Variants in NUBP1 observed in about 807,000 individuals in gnomAD.
NUBP1 encodes the protein NUBP iron-sulfur cluster assembly factor 1, cytosolic, also known as cytosolic Fe-S cluster assembly factor NUBP1.
Under a neutral mutation model 41.8 loss-of-function variants are expected in NUBP1, and 46 were observed. The ratio of observed to expected loss-of-function variants is 1.10; its 90% CI spans 0.87 to 1.41. NUBP1 has a LOEUF of 1.41. Among genes scored for constraint, NUBP1 ranks in the 40% most tolerant of loss-of-function variants. The pLI is 0.00. For synonymous variants in NUBP1, 189 were observed against 154.6 expected, an observed-to-expected ratio of 1.22 and a Z score of -1.65; for missense variants, 494 against 414.0, an observed-to-expected ratio of 1.19 and a Z score of -1.68.
chr16:10,758,122 C>T (rs1442515927), intron 7 of NUBP1, 95 bp downstream of exon 7: 7 of 1,419,028 alleles, frequency 4.9e-6, no homozygotes, highest in African/African-American at 2.8e-5. Flanking sequence ...CTCACCAAGG[C>T]TCTTCCCAGT....
rs1360691386 is a variant in NUBP1 at position 10,759,002 on chromosome 16, C to T, written c.606+975C>T. On this transcript the variant is annotated intron_variant, in intron 7 of 10. Coordinates refer to ENST00000283027, the MANE Select transcript of NUBP1 (RefSeq NM_002484.4). This position sits in a 1 kb window ranked among gnomAD's most constrained non-coding sequence, Gnocchi z 4.7. ...GCCTGAGAAACTGAGGGCTCTTCTC[C>T]ATCTCCACAGTTACGCCTGACTTCT... Among the ~76,000 whole-genome samples, 3 of 152,182 alleles carry T rather than the reference C, an allele frequency of 2.0e-5. No homozygotes were observed. The highest frequency in any genetic ancestry group is 2.1e-4 in the South Asian group (1 of 4,828).
intron 4 of NUBP1, 59 bp downstream of exon 4, chr16:10,752,737 G>T (rs1567256190): frequency 1.4e-6 from 2 of 1,393,208 alleles, no homozygotes; most frequent in African/African-American, 1.4e-5. Flanking sequence ...CTGTAGCACT[G>T]AACTGTCAAA....
intron 4 of NUBP1, among the ~76,000 whole-genome samples, chr16:10,753,082 C>T (rs908737891): frequency 5.9e-5 from 9 of 151,806 alleles, no homozygotes; most frequent in African/African-American, 1.9e-4. Context: ...GCGTGAGCCA[C>T]CGCACCTGGC....
intron 5 of NUBP1, among the ~76,000 whole-genome samples, chr16:10,756,156 A>G (rs1275035538): frequency 6.6e-6 from 1 of 152,218 alleles, no homozygotes; most frequent in Admixed American, 6.5e-5. Flanking sequence ...AGCCAGGCAG[A>G]TCACTTGAGG....
At chr16:10,761,537 G>A in intron 8 of NUBP1, 63 bp downstream of exon 8, 2 of 1,379,684 alleles carry the variant, frequency 1.4e-6, no homozygotes. Context: ...GAAACGATCG[G>A]AAGGCTGCTC....
chr16:10,761,490 G>T lies in NUBP1; in HGVS notation c.717+16G>T. The T allele has an allele frequency of 6.2e-7, 1 of 1,600,026 alleles. No individual in the cohort carries two copies. Among genetic ancestry groups the T allele is most frequent in the East Asian group, 2.2e-5 (1 of 44,780 alleles). On this transcript the variant is annotated intron_variant, in intron 8 of 10. Coordinates refer to ENST00000283027, the MANE Select transcript of NUBP1 (RefSeq NM_002484.4). ...TAAGTGCAAGGTGAGGGCGCGTGGGGCTGCCAGGCGAGCAAGATCTTGCTC... is the reference window on the plus strand; with the variant it reads ...TAAGTGCAAGGTGAGGGCGCGTGGGTCTGCCAGGCGAGCAAGATCTTGCTC...
In NUBP1 at chr16:10,766,002, G is replaced by T. The variant is rs903349402; in HGVS notation, c.821-1947G>T. 1.3e-5 allele frequency: 2 copies of T among 152,404 alleles called. No individual in the cohort carries two copies. The highest frequency in any genetic ancestry group is 2.9e-5 in the Non-Finnish European group (2 of 68,186). The allele number at this position is 152,404 out of a possible 1,614,324, so 9.4% of individuals were successfully genotyped here. ...GGGCCAAGTGACAGACACGCATCTGGCAAGGTCACTGGGGACAGAGTGGGG... is the reference window on the plus strand; with the variant it reads ...GGGCCAAGTGACAGACACGCATCTGTCAAGGTCACTGGGGACAGAGTGGGG... On this transcript the variant is annotated intron_variant, in intron 9 of 10. Transcript: ENST00000283027. This position sits in a 1 kb window ranked among gnomAD's most constrained non-coding sequence, Gnocchi z 4.8.
intron 4 of NUBP1, among the ~76,000 whole-genome samples, chr16:10,753,336 G>C (rs1900408750): frequency 6.6e-6 from 1 of 152,138 alleles, no homozygotes; most frequent in African/African-American, 2.4e-5. Flanking sequence ...GCTTGCTATG[G>C]GTCTGTACCC....
At chr16:10,750,854 C>T (rs887935038) in intron 3 of NUBP1, among the ~76,000 whole-genome samples, 3 of 152,218 alleles carry the variant, frequency 2.0e-5, no homozygotes, top group Non-Finnish European at 4.4e-5. Flanking sequence ...GACAGCCTTG[C>T]AGCATCTCCA....
In NUBP1 at chr16:10,768,031, G is replaced by C. The variant is rs781740389; in HGVS notation, c.903G>C (p.Gln301His). 1.2e-6 allele frequency: 2 copies of C among 1,613,842 alleles called. No individual in the cohort carries two copies. Among genetic ancestry groups the C allele is most frequent in the Non-Finnish European group, 1.7e-6 (2 of 1,179,862 alleles). ...PATLAYRSII[Q>H]RIQEFCNLHQ... is the part of the protein sequence containing the mutation. ...CGTTAGCCTACAGAAGTATAATTCAGAGTAAGTATTTCCATGAGTACTAAA... is the reference window on the plus strand; with the variant it reads ...CGTTAGCCTACAGAAGTATAATTCACAGTAAGTATTTCCATGAGTACTAAA... The change falls in exon 10 of 11, where the codon CAG becomes CAC. Residue 301 changes from glutamine to histidine, a missense_variant and splice_region_variant. Coordinates refer to ENST00000283027, the MANE Select transcript of NUBP1 (RefSeq NM_002484.4). This position sits in a 1 kb window ranked among gnomAD's most constrained non-coding sequence, Gnocchi z 4.3.
In NUBP1 at chr16:10,767,364, T is replaced by C; in HGVS notation, c.821-585T>C. On this transcript the variant is annotated intron_variant, in intron 9 of 10. Coordinates refer to ENST00000283027, the MANE Select transcript of NUBP1 (RefSeq NM_002484.4). The surrounding 1 kb of genome is among the most constrained non-coding windows in gnomAD (Gnocchi z 4.6). ...TGGCGGGGAAAGACTAGCAGACTGATAGACACCAGCACAGATGACCTGGAA... is the reference window on the plus strand; with the variant it reads ...TGGCGGGGAAAGACTAGCAGACTGACAGACACCAGCACAGATGACCTGGAA... The C allele has an allele frequency of 2.5e-6, 1 of 399,908 alleles. No homozygotes were observed. Among genetic ancestry groups the C allele is most frequent in the South Asian group, 1.3e-4 (1 of 7,900 alleles). The allele number at this position is 399,908 out of a possible 1,614,324, so 24.8% of individuals were successfully genotyped here. A position where few individuals can be genotyped will look rare whatever the true frequency, so the allele number is the denominator to read the frequency against.
At chr16:10,764,046 G>A (rs2030449148) in intron 9 of NUBP1, among the ~76,000 whole-genome samples, 2 of 152,214 alleles carry the variant, frequency 1.3e-5, no homozygotes, top group East Asian at 1.9e-4. Flanking sequence ...GAGCATCCCA[G>A]CCCAAAGGAG....
chr16:10,769,111 G>C lies in NUBP1; in HGVS notation c.*6G>C, dbSNP rs527993353. On this transcript the variant is annotated 3_prime_UTR_variant, in exon 11 of 11. Transcript: ENST00000283027. ...AGAACCTCATCAGTTCCTGAAACGA[G>C]AGAATGTTCAGGACCAAGCAGTTAC... 1 of 1,613,436 alleles carries C rather than the reference G, an allele frequency of 6.2e-7. No homozygotes were observed. Among genetic ancestry groups the C allele is most frequent in the South Asian group, 1.1e-5 (1 of 91,078 alleles).
intron 7 of NUBP1, 106 bp from the exon 8 acceptor site, chr16:10,761,258 G>A: frequency 9.8e-7 from 1 of 1,019,768 alleles, no homozygotes; most frequent in Non-Finnish European, 1.5e-6. Flanking sequence ...AACCTCTAAG[G>A]CTTTATGATC....
intron 7 of NUBP1, among the ~76,000 whole-genome samples, chr16:10,760,686 A>G (rs565291663): frequency 3.6e-4 from 55 of 152,144 alleles, no homozygotes; most frequent in Non-Finnish European, 7.5e-4. Context: ...GCAGTGAGCA[A>G]TGATTATGCC....
At chr16:10,754,373 G>A (rs1299217724) in intron 4 of NUBP1, among the ~76,000 whole-genome samples, 1 of 152,042 alleles carries the variant, frequency 6.6e-6, no homozygotes, top group East Asian at 1.9e-4. Context: ...CTCCTGAATA[G>A]CTGGCATTAC....
intron 2 of NUBP1, 32 bp downstream of exon 2, chr16:10,744,097 T>G: frequency 1.3e-6 from 2 of 1,501,570 alleles, no homozygotes; most frequent in South Asian, 1.3e-5. Context: ...AACAGGAACT[T>G]AGAGGCGCAG....
At position 10,757,386 on chromosome 16, in the gene NUBP1, G is replaced by C. The variant is rs1900630872; in HGVS notation, c.452-487G>C. ...GGTGAGATCAACAGGAGGTTGATCT[G>C]GTACTGAGACTTAAGGTAATAATGT... On this transcript the variant is annotated intron_variant, in intron 6 of 10. Coordinates refer to ENST00000283027, the MANE Select transcript of NUBP1 (RefSeq NM_002484.4). This position sits in a 1 kb window ranked among gnomAD's most constrained non-coding sequence, Gnocchi z 4.1. Among the ~76,000 whole-genome samples, 2 of 152,246 alleles carry C rather than the reference G, an allele frequency of 1.3e-5. No homozygotes were observed. Among genetic ancestry groups the C allele is most frequent in the South Asian group, 4.1e-4 (2 of 4,826 alleles).
At position 10,756,696 on chromosome 16, in the gene NUBP1, G is replaced by C; in HGVS notation, c.367G>C (p.Glu123Gln). 1 of 1,568,168 alleles carries C rather than the reference G, an allele frequency of 6.4e-7. No individual in the cohort carries two copies. The highest frequency in any genetic ancestry group is 1.2e-5 in the South Asian group (1 of 83,298). The stretch of plus-strand genomic sequence containing the variant: ...CACCCTGTTCCCTCTGCAGTACGTG[G>C]AAGACAACCTGGGGGTGATGTCAGT... ...SGSGWSPVYV[E>Q]DNLGVMSVGF... The change falls in exon 6 of 11, where the codon GAA becomes CAA. Residue 123 changes from glutamate to glutamine, a missense_variant. Physicochemically the swap from Glu to Gln is conservative, Grantham distance 29 (BLOSUM62 2). Transcript: ENST00000283027.
Sources: gnomAD v4.1 joint callset for allele counts (sites outside exome capture counted in the v4.1 genomes callset) on GRCh38, gnomAD v4.1.1 for gene constraint, Gnocchi (gnomAD v3.1) non-coding constraint, MANE v1.5 for transcripts, NCBI Gene and HGNC (gene_info 2026-07-23, HGNC 2026-07-21) for gene names.